Variants in MEI1 observed in about 807,000 individuals in gnomAD.
MEI1 encodes meiotic double-stranded break formation protein 1.
MEI1 carries 103 observed loss-of-function variants against 146.2 expected under a neutral mutation model. The observed-to-expected ratio is 0.70, with a 90% CI of 0.60 to 0.83. MEI1 has a LOEUF of 0.83. Ranked by LOEUF, MEI1 falls within the 40% of genes least tolerant of loss-of-function variation. The pLI is 0.00. For missense variants in MEI1, 1,529 were observed against 1,533.0 expected, an observed-to-expected ratio of 1.00 and a Z score of 0.04; for synonymous variants, 652 against 628.2, an observed-to-expected ratio of 1.04 and a Z score of -0.57.
intron 11 of MEI1, 36 bp downstream of exon 11, chr22:41,732,639 G>A: frequency 6.2e-7 from 1 of 1,601,824 alleles, no homozygotes. Flanking sequence ...TTCCATCCCT[G>A]CATATACCTA....
chr22:41,767,444 AG>A, intron 19 of MEI1: 1 of 358,770 alleles, frequency 2.8e-6, no homozygotes, highest in South Asian at 2.0e-5. Context: ...GAAGCAGTGG[AG>A]GAGATACACA....
rs368901546 is a variant in MEI1, at chr22:41,795,693, G to T, written c.3667-42G>T. Reference sequence around the variant, plus strand: ...GGCAGTTAGGGCCTGTGTGGAATGGGCACTGAGGAGGCCTGTCTTCCCTGC... The same window carrying T: ...GGCAGTTAGGGCCTGTGTGGAATGGTCACTGAGGAGGCCTGTCTTCCCTGC... On this transcript the variant is annotated intron_variant, in intron 29 of 30. Coordinates refer to ENST00000401548, the MANE Select transcript of MEI1 (RefSeq NM_152513.4). The surrounding 1 kb of genome is among the most constrained non-coding windows in gnomAD (Gnocchi z 4.2). 6.1e-5 allele frequency: 98 copies of T among 1,598,716 alleles called. No homozygotes were observed. In the African/African-American group the frequency reaches 1.1e-3, roughly 17 times the overall value.
Position 41,794,496 on chromosome 22 carries a change from T to A in MEI1, c.3534+19T>A, listed in dbSNP as rs557163685. ...GACCCTGGTAAGTGCAGAAAGGATA[T>A]CTTGTGGTCTGAGGAGTGTCATGAG... On this transcript the variant is annotated intron_variant, in intron 28 of 30. Coordinates refer to ENST00000401548, the MANE Select transcript of MEI1 (RefSeq NM_152513.4). 2 of 1,601,128 alleles carry A rather than the reference T, an allele frequency of 1.2e-6. No individual in the cohort carries two copies. Among genetic ancestry groups the A allele is most frequent in the African/African-American group, 2.7e-5 (2 of 74,760 alleles).
intron 14 of MEI1, 79 bp downstream of exon 14, chr22:41,746,105 AGGCAGT>A (rs1234533849): frequency 2.2e-6 from 3 of 1,379,378 alleles, no homozygotes; most frequent in Non-Finnish European, 2.9e-6. Flanking sequence ...CAGAGGCATA[AGGCAGT>A]GACTGCTCAA....
At chr22:41,744,110 C>G (rs562491394) in intron 12 of MEI1, among the ~76,000 whole-genome samples, 41 of 152,092 alleles carry the variant, frequency 2.7e-4, no homozygotes, top group African/African-American at 9.4e-4. Context: ...CTCCTGACCT[C>G]CACCTCGGCC....
chr22:41,729,820 G>C (rs1289771279), intron 8 of MEI1, 41 bp downstream of exon 8: 1 of 1,363,372 alleles, frequency 7.3e-7, no homozygotes, highest in Non-Finnish European at 1.0e-6. Context: ...TATACTAGAA[G>C]GATGGGGTGG....
At chr22:41,716,274 C>T (rs867516583) in intron 5 of MEI1, 128 bp downstream of exon 5, 11 of 627,168 alleles carry the variant, frequency 1.8e-5, no homozygotes, top group East Asian at 2.9e-5. Flanking sequence ...TCAGTTTCCC[C>T]GTCTGCAAAA....
rs1439242118 is a variant in MEI1, at chr22:41,769,382, T to C, written c.2269-1304T>C. Among the ~76,000 whole-genome samples the C allele has an allele frequency of 6.6e-5, 10 of 152,152 alleles. 1 individual carries two copies. Among genetic ancestry groups the C allele is most frequent in the African/African-American group, 2.4e-4 (10 of 41,434 alleles). On this transcript the variant is annotated intron_variant, in intron 19 of 30. Transcript: ENST00000401548. ...CACATGCAAAAGAATGAAGTTGGAC[T>C]CTTAACTCATATCATACACAAAAAT...
chr22:41,773,574 A>G (rs1020262171), intron 20 of MEI1, among the ~76,000 whole-genome samples: 6 of 151,784 alleles, frequency 4.0e-5, no homozygotes, highest in African/African-American at 1.2e-4. Context: ...AAAAAAAAAA[A>G]AAAAAAAGAA....
At chr22:41,780,515 C>T (rs915889120) in intron 22 of MEI1, among the ~76,000 whole-genome samples, 1 of 151,210 alleles carries the variant, frequency 6.6e-6, no homozygotes, top group Non-Finnish European at 1.5e-5. Context: ...CACATCTAAT[C>T]TTGCCTTGAG....
At chr22:41,794,335 G>A (rs2076290964) in intron 27 of MEI1, 36 bp from the exon 28 acceptor site, 1 of 1,567,226 alleles carries the variant, frequency 6.4e-7, no homozygotes. Context: ...CCAAGGCAAG[G>A]TCTTGGAAGC....
At chr22:41,778,861 C>A in intron 22 of MEI1, 49 bp downstream of exon 22, 1 of 1,339,028 alleles carries the variant, frequency 7.5e-7, no homozygotes, top group Non-Finnish European at 1.1e-6. Context: ...GCTGGACGTG[C>A]AGTGGGTGCT....
intron 7 of MEI1, among the ~76,000 whole-genome samples, chr22:41,728,536 G>A (rs758932854): frequency 2.6e-5 from 4 of 151,930 alleles, no homozygotes; most frequent in African/African-American, 7.3e-5. Flanking sequence ...CCCAGAATGG[G>A]CCATATACTG....
At chr22:41,770,998 C>T in intron 20 of MEI1, 37 bp downstream of exon 20, 6 of 1,595,696 alleles carry the variant, frequency 3.8e-6, no homozygotes, top group Admixed American at 1.7e-5. Flanking sequence ...ATTCAGAAAT[C>T]GTGGGCCTTC....
intron 17 of MEI1, among the ~76,000 whole-genome samples, chr22:41,756,355 T>G (rs1274754009): frequency 6.6e-6 from 1 of 152,166 alleles, no homozygotes; most frequent in East Asian, 1.9e-4. Flanking sequence ...CAGGCTGGTC[T>G]TGAACTCCTG....
chr22:41,767,737 A>G (rs2074948007), intron 19 of MEI1: 2 of 403,996 alleles, frequency 5.0e-6, no homozygotes, highest in Non-Finnish European at 1.0e-5. Flanking sequence ...TCTGAAATGA[A>G]TCAAACAAGT....
rs563286190 is a variant in MEI1, at chr22:41,723,663, C to T, written c.734-280C>T. ...GTTGAAAAAACTCACATTATTCCTG[C>T]CCTCATGAAACTTATAGTTGAGTGA... On this transcript the variant is annotated intron_variant, in intron 6 of 30. Coordinates refer to ENST00000401548, the MANE Select transcript of MEI1 (RefSeq NM_152513.4). Among the ~76,000 whole-genome samples, 8 of 152,240 alleles carry T rather than the reference C, an allele frequency of 5.3e-5. No homozygotes were observed. In the South Asian group the frequency reaches 1.5e-3, roughly 28 times the overall value.
At chr22:41,713,814 C>T (rs892767493) in intron 3 of MEI1, among the ~76,000 whole-genome samples, 188 bp from the exon 4 acceptor site, 1 of 152,188 alleles carries the variant, frequency 6.6e-6, no homozygotes, top group Non-Finnish European at 1.5e-5. Context: ...TCCCAAAGTG[C>T]TGGGATTACA....
chr22:41,740,211 G>A (rs928257388), intron 11 of MEI1, among the ~76,000 whole-genome samples: 5 of 151,984 alleles, frequency 3.3e-5, no homozygotes, highest in Admixed American at 6.6e-5. Context: ...GTAGAGATGC[G>A]TTTTCACCAT....
Sources: allele counts gnomAD v4.1 joint callset (sites outside exome capture counted in the v4.1 genomes callset), GRCh38; gene constraint gnomAD v4.1.1; non-coding constraint Gnocchi (gnomAD v3.1); transcripts MANE v1.5; gene names NCBI Gene and HGNC (gene_info 2026-07-23, HGNC 2026-07-21).